GARS1: variants seen among roughly 807,000 people sequenced by gnomAD.
GARS1 encodes the protein glycine--tRNA ligase.
A neutral mutation model predicts 86.4 loss-of-function variants in GARS1; 46 were observed. That is an observed-to-expected ratio of 0.53 (90% confidence interval 0.42 to 0.68). The LOEUF (loss-of-function observed/expected upper bound fraction) is 0.68, where lower values mean the gene tolerates loss of function less well. Ranked by LOEUF, GARS1 falls within the 30% of genes least tolerant of loss-of-function variation. GARS1 has a pLI of 0.00. For missense variants in GARS1, 797 were observed against 915.6 expected (o/e 0.87, Z 1.67); for synonymous variants, 342 against 329.8 (o/e 1.04, Z -0.40).
intron 6 of GARS1, among the ~76,000 whole-genome samples, chr7:30,605,813 G>T (rs892142343): frequency 1.3e-5 from 2 of 152,078 alleles, no homozygotes; most frequent in Non-Finnish European, 2.9e-5. Context: ...CTTACCTTGG[G>T]AAATGTTAAT....
intron 2 of GARS1, 65 bp downstream of exon 2, chr7:30,598,962 T>G (rs1791320231): frequency 7.8e-7 from 1 of 1,282,574 alleles, no homozygotes; most frequent in Admixed American, 1.8e-5. Flanking sequence ...TTAATTTCTT[T>G]GGATGGGAGA....
intron 12 of GARS1, 144 bp downstream of exon 12, chr7:30,622,606 G>A: frequency 1.0e-6 from 1 of 973,400 alleles, no homozygotes; most frequent in Non-Finnish European, 1.6e-6. Flanking sequence ...TCTTTGCCGA[G>A]ATTTTGGCAT....
intron 5 of GARS1, among the ~76,000 whole-genome samples, 176 bp from the exon 6 acceptor site, chr7:30,603,320 C>T (rs1303750347): frequency 1.3e-5 from 2 of 152,150 alleles, no homozygotes; most frequent in African/African-American, 4.8e-5. Context: ...GATAATTTTT[C>T]TAATTAGCAA....
chr7:30,602,909 C>T (rs1791409615), intron 4 of GARS1, 125 bp from the exon 5 acceptor site: 3 of 747,560 alleles, frequency 4.0e-6, no homozygotes, highest in South Asian at 1.4e-5. Flanking sequence ...TACATCATTA[C>T]TATAGATATG....
rs538376662 is a variant in GARS1, at chr7:30,603,255, A to T, written c.658+133A>T. ...CAAAGTGCACAGATCTTAAGTATAT[A>T]GATCAAGTCCTTTATTTTTTAAAAA... On this transcript the variant is annotated intron_variant, in intron 5 of 16. Transcript: ENST00000389266. 13 of 773,940 alleles carry T rather than the reference A, an allele frequency of 1.7e-5. No homozygotes were observed. The South Asian group carries it at 2.1e-4, about 12-fold the overall frequency. The allele number at this position is 773,940 out of a possible 1,614,324, so 47.9% of individuals were successfully genotyped here.
chr7:30,626,439 C>T (rs57232114), intron 13 of GARS1, 120 bp downstream of exon 13: 56 of 687,232 alleles, frequency 8.1e-5, no homozygotes, highest in East Asian at 4.0e-4. Context: ...TCTGCCTCCC[C>T]GGCTCAAGCG....
chr7:30,622,664 T>C (rs1783039430), intron 12 of GARS1: 2 of 573,670 alleles, frequency 3.5e-6, no homozygotes, highest in Non-Finnish European at 6.1e-6. Flanking sequence ...TTTTTTTTCC[T>C]AGTAACTGTC....
intron 6 of GARS1, among the ~76,000 whole-genome samples, chr7:30,604,824 C>T (rs918084624): frequency 6.6e-6 from 1 of 152,108 alleles, no homozygotes; most frequent in Non-Finnish European, 1.5e-5. Flanking sequence ...TCTAAGTATC[C>T]CTAAAATTTT....
chr7:30,609,830 AAG>A (rs1791561683), intron 7 of GARS1, 100 bp downstream of exon 7: 2 of 1,033,896 alleles, frequency 1.9e-6, no homozygotes, highest in African/African-American at 3.2e-5. Flanking sequence ...AATTTTTAAA[AAG>A]TGATATACAG....
intron 8 of GARS1, chr7:30,614,419 A>AT (rs1782842905): frequency 6.6e-6 from 1 of 152,202 alleles, no homozygotes; most frequent in Non-Finnish European, 1.5e-5. Flanking sequence ...GTAGATGTTC[A>AT]GTTGCTGTCA....
In GARS1 at chr7:30,598,807, G is replaced by A. The variant is rs376199921; in HGVS notation, c.234G>A (p.Val78=). Residue 78 remains valine (V), a synonymous_variant, in exon 2 of 17, where the codon GTG becomes GTA. Transcript: ENST00000389266. ...TCTTTCTTGGCTAGGGAGATCTTGT[G>A]CGAAAACTCAAAGAAGATAAAGCAC... ...RLAVRQQGDL[V]RKLKEDKAPQ... The A allele has an allele frequency of 1.2e-6, 2 of 1,613,676 alleles. No individual in the cohort carries two copies. Among genetic ancestry groups the A allele is most frequent in the African/African-American group, 1.3e-5 (1 of 74,892 alleles).
Position 30,633,896 on chromosome 7 carries a change from T to TAAAAA in GARS1, c.*47_*51dup. On this transcript the variant is annotated 3_prime_UTR_variant, in exon 17 of 17. Transcript: ENST00000389266. ...GACAACTTTTGACCACTTGCGCTAA[T>TAAAAA]AAAAAAAAAAAAAAACTACTCTTAT... 3 of 1,316,616 alleles carry TAAAAA rather than the reference T, an allele frequency of 2.3e-6. No individual in the cohort carries two copies. The highest frequency in any genetic ancestry group is 1.2e-5 in the South Asian group (1 of 81,314). 81.6% of individuals were successfully genotyped at this position (1,316,616 alleles called of 1,614,324 possible).
chr7:30,616,364 G>A (rs1362374839), intron 9 of GARS1, among the ~76,000 whole-genome samples: 1 of 152,184 alleles, frequency 6.6e-6, no homozygotes, highest in Non-Finnish European at 1.5e-5. Context: ...CTACTTTGGG[G>A]GAGACAGCAT....
Position 30,632,305 on chromosome 7 carries a change from C to T in GARS1, c.1962C>T (p.Ile654=), listed in dbSNP as rs201927627. ...SHKVDDSSGS[I]GRRYARTDEI... is the part of the protein sequence containing the mutation. Reference sequence around the variant, plus strand: ...AAGTAGACGATTCCTCTGGGTCAATCGGAAGGCGCTATGCCAGGACTGATG... The same window carrying T: ...AAGTAGACGATTCCTCTGGGTCAATTGGAAGGCGCTATGCCAGGACTGATG... Residue 654 remains isoleucine (I), a synonymous_variant, in exon 16 of 17, where the codon ATC becomes ATT. Transcript: ENST00000389266. The surrounding 1 kb of genome is among the most constrained non-coding windows in gnomAD (Gnocchi z 4.1). 1.7e-3 allele frequency: 2,798 copies of T among 1,614,132 alleles called. 7 individuals carry two copies. The highest frequency in any genetic ancestry group is 1.9e-3 in the Non-Finnish European group (2,225 of 1,180,012).
chr7:30,603,210 G>A, intron 5 of GARS1, 88 bp downstream of exon 5: 1 of 1,123,276 alleles, frequency 8.9e-7, no homozygotes, highest in Non-Finnish European at 1.3e-6. Flanking sequence ...ATTTTTTATT[G>A]AGGCATAACA....
chr7:30,625,901 GTTA>G (rs760414462), intron 12 of GARS1, among the ~76,000 whole-genome samples: 4 of 152,114 alleles, frequency 2.6e-5, no homozygotes, highest in Non-Finnish European at 5.9e-5. Context: ...TGACAAAGTT[GTTA>G]TTATTCTAAA....
intron 2 of GARS1, 35 bp downstream of exon 2, chr7:30,598,932 A>G (rs764610117): frequency 9.4e-6 from 14 of 1,494,210 alleles, no homozygotes; most frequent in Middle Eastern, 3.4e-4. Context: ...GAACATAAGT[A>G]GGTATAGGAT....
intron 2 of GARS1, 141 bp from the exon 3 acceptor site, chr7:30,599,806 A>G (rs1035002949): frequency 9.9e-6 from 6 of 607,922 alleles, no homozygotes; most frequent in Non-Finnish European, 1.7e-5. Context: ...TATGGCTTCT[A>G]TTGTTTTTAA....
At chr7:30,621,336 G>A in intron 10 of GARS1, 57 bp from the exon 11 acceptor site, 3 of 1,379,562 alleles carry the variant, frequency 2.2e-6, no homozygotes, top group Non-Finnish European at 3.1e-6. Context: ...ATTTGTGAAT[G>A]AACCCAATAT....
Sources: allele counts gnomAD v4.1 joint callset (sites outside exome capture counted in the v4.1 genomes callset), GRCh38; gene constraint gnomAD v4.1.1; non-coding constraint Gnocchi (gnomAD v3.1); transcripts MANE v1.5; gene names NCBI Gene and HGNC (gene_info 2026-07-23, HGNC 2026-07-21).